The following BCAR1 variants were observed in gnomAD, a reference collection of about 807,000 sequenced individuals.
BCAR1 encodes BCAR1 scaffold protein, Cas family member, also known as breast cancer anti-estrogen resistance protein 1.
BCAR1 carries 30 observed loss-of-function variants against 67.6 expected under a neutral mutation model. That is an observed-to-expected ratio of 0.44 (90% confidence interval 0.33 to 0.60). The LOEUF is 0.60. Among genes scored for constraint, BCAR1 ranks in the 20% least tolerant of loss-of-function variants. BCAR1 has a pLI of 0.02. For synonymous variants in BCAR1, 626 were observed against 556.7 expected, an observed-to-expected ratio of 1.12 and a Z score of -1.75; for missense variants, 1,313 against 1,222.3, an observed-to-expected ratio of 1.07 and a Z score of -1.11.
At chr16:75,252,190 G>C (rs1367341838), upstream of BCAR1, 3 of 1,536,060 alleles carry the variant, frequency 2.0e-6, no homozygotes, top group South Asian at 1.2e-5. Flanking sequence ...CAAGCAGGGA[G>C]GCTGGCGAGC....
At chr16:75,238,444 C>A (rs1404946189) in intron 2 of BCAR1, 2 of 1,025,238 alleles carry the variant, frequency 2.0e-6, no homozygotes, top group Non-Finnish European at 2.3e-6. Flanking sequence ...AAAGCAGCCC[C>A]TCCCCCGGGC....
chr16:75,252,288 C>T, upstream of BCAR1: 1 of 1,536,700 alleles, frequency 6.5e-7, no homozygotes, highest in South Asian at 1.2e-5. Flanking sequence ...TCCAGCTGAT[C>T]TGCCTCCTCT....
intron 2 of BCAR1, chr16:75,238,392 T>C: frequency 9.2e-7 from 1 of 1,084,706 alleles, no homozygotes; most frequent in Non-Finnish European, 1.1e-6. Context: ...GGGACAGGGT[T>C]GACTCAGGGC....
intron 2 of BCAR1, among the ~76,000 whole-genome samples, chr16:75,239,485 C>T (rs1195262554): frequency 6.6e-6 from 1 of 152,198 alleles, no homozygotes; most frequent in South Asian, 2.1e-4. Flanking sequence ...CCCAGCCTCC[C>T]GGTAAGGGCC....
In BCAR1 at chr16:75,236,482, AG is replaced by A. The variant is rs1377897807; in HGVS notation, c.912+399del. The A allele has an allele frequency of 9.1e-5, 31 of 340,506 alleles. No homozygotes were observed. In the East Asian group the frequency reaches 1.8e-3, roughly 20 times the overall value. 21.1% of individuals were successfully genotyped at this position (340,506 alleles called of 1,614,324 possible). On this transcript the variant is annotated intron_variant, in intron 4 of 6. Transcript: ENST00000162330. The stretch of plus-strand genomic sequence containing the variant: ...ACGTGTGAACTTTCTACTCTGCAGC[AG>A]GTGTGCGACTGAGCTCTGTGTGTAT...
intron 1 of BCAR1, among the ~76,000 whole-genome samples, chr16:75,259,574 C>G (rs1184727741): frequency 6.6e-6 from 1 of 152,154 alleles, no homozygotes; most frequent in African/African-American, 2.4e-5. Context: ...ATAAACTGGC[C>G]GGGCGCGGTG....
At chr16:75,251,818 G>A, upstream of BCAR1, 1 of 293,668 alleles carries the variant, frequency 3.4e-6, no homozygotes, top group Non-Finnish European at 4.2e-6. Flanking sequence ...CGAGGCTCCA[G>A]GCCCCTGCCC....
intron 1 of BCAR1, chr16:75,243,526 G>T: frequency 2.0e-6 from 1 of 507,620 alleles, no homozygotes; most frequent in East Asian, 5.6e-5. Context: ...CAGCTTCTTA[G>T]GATAAAAAAA....
At position 75,235,210 on chromosome 16, in the gene BCAR1, G is replaced by T; in HGVS notation, c.1689C>A (p.Asp563Glu). 1 of 1,608,144 alleles carries T rather than the reference G, an allele frequency of 6.2e-7. No homozygotes were observed. Residue 563 changes from aspartate (D) to glutamate (E), a missense_variant, in exon 5 of 7, where the codon GAC (aspartate) becomes GAA (glutamate). Physicochemically the swap from Asp to Glu is conservative, Grantham distance 45 (BLOSUM62 2). This residue lies in a region of BCAR1 where 1,272 missense variants were observed against 1,137.5 expected (regional missense o/e 1.12). Coordinates refer to ENST00000162330, the MANE Select transcript of BCAR1 (RefSeq NM_014567.5). ...QTLVAHGQAL[D>E]AGRGGSGATL... ...TGGCTCCAGAGCCTCCCCGGCCAGC[G>T]TCGAGGGCCTGACCATGTGCCACCA...
chr16:75,237,117 C>T (rs1056194724), intron 3 of BCAR1, 66 bp downstream of exon 3: 5 of 1,504,994 alleles, frequency 3.3e-6, no homozygotes, highest in African/African-American at 1.4e-5. Context: ...CAGCTCTCGG[C>T]CCAGGGCCAA....
At chr16:75,253,934 C>T (rs117683542), upstream of BCAR1, among the ~76,000 whole-genome samples, 3,581 of 152,118 alleles carry the variant, frequency 0.024, 83 homozygotes, top group Middle Eastern at 0.12. Flanking sequence ...TTTGTGCACA[C>T]AGCAATCCTG....
intron 1 of BCAR1, among the ~76,000 whole-genome samples, chr16:75,262,878 C>T (rs1401559256): frequency 6.6e-6 from 1 of 152,192 alleles, no homozygotes; most frequent in Non-Finnish European, 1.5e-5. Context: ...AGAGGTGACA[C>T]AAACTCATCT....
At chr16:75,251,411 CT>C in intron 1 of BCAR1, 59 bp downstream of exon 1, 2 of 1,477,914 alleles carry the variant, frequency 1.4e-6, no homozygotes, top group South Asian at 1.3e-5. Flanking sequence ...CGCTTAACCC[CT>C]TCCAGCCCGC....
intron 6 of BCAR1, 72 bp from the exon 7 acceptor site, chr16:75,230,095 A>C (rs981251247): frequency 6.7e-7 from 1 of 1,497,814 alleles, no homozygotes. Flanking sequence ...AGACCTGGGC[A>C]CCCTGGGCTG....
At chr16:75,236,581 T>TC in intron 4 of BCAR1, 2 of 467,250 alleles carry the variant, frequency 4.3e-6, no homozygotes, top group Non-Finnish European at 7.3e-6. Flanking sequence ...TAATTACTAG[T>TC]CCCCCCTTCA....
At chr16:75,233,111 A>G (rs1045562729) in intron 6 of BCAR1, among the ~76,000 whole-genome samples, 1 of 152,192 alleles carries the variant, frequency 6.6e-6, no homozygotes, top group African/African-American at 2.4e-5. Flanking sequence ...GGTGGCTCAC[A>G]CTATAATCCC....
rs1448884193 is a variant in BCAR1, at chr16:75,235,050, C to A, written c.1849G>T (p.Gly617Trp). The A allele has an allele frequency of 1.2e-6, 2 of 1,613,262 alleles. No individual in the cohort carries two copies. Among genetic ancestry groups the A allele is most frequent in the South Asian group, 1.1e-5 (1 of 91,090 alleles). The part of the protein sequence containing the change: ...RTKATAPGPE[G>W]GGTLHPNPTD... ...GGGTTGGGGTGCAGGGTGCCACCCC[C>A]CTCAGGCCCCGGGGCAGTGGCCTTG... The change falls in exon 5 of 7, where the codon GGG becomes TGG. Residue 617 changes from glycine to tryptophan, a missense_variant. Gly to Trp is a radical substitution (Grantham distance 184, BLOSUM62 -2). Around this residue, in one of 2 missense-constraint regions of BCAR1, gnomAD observed 1,272 missense variants for 1,137.5 expected, o/e 1.12. Transcript: ENST00000162330.
intron 6 of BCAR1, among the ~76,000 whole-genome samples, chr16:75,232,221 C>T (rs745309478): frequency 3.5e-5 from 5 of 141,608 alleles, no homozygotes; most frequent in Non-Finnish European, 6.2e-5. Context: ...AGTGCAGTGG[C>T]GCAATCTCGG....
intron 1 of BCAR1, among the ~76,000 whole-genome samples, chr16:75,243,855 A>G (rs2077432288): frequency 2.6e-5 from 4 of 152,162 alleles, no homozygotes; most frequent in Admixed American, 2.0e-4. Context: ...GCAGTTTCCC[A>G]CCACACACTC....
Sources: gnomAD v4.1 joint callset for allele counts (sites outside exome capture counted in the v4.1 genomes callset) on GRCh38, gnomAD v4.1.1 for gene constraint, gnomAD v4.1.1 regional missense constraint, MANE v1.5 for transcripts, NCBI Gene and HGNC (gene_info 2026-07-23, HGNC 2026-07-21) for gene names.